Variants in IFI27 observed in about 807,000 individuals in gnomAD.
IFI27 encodes the protein interferon alpha-inducible protein 27, mitochondrial.
Under a neutral mutation model 8.9 loss-of-function variants are expected in IFI27, and 3 were observed. That is an observed-to-expected ratio of 0.34 (90% CI 0.15 to 0.87). The LOEUF (loss-of-function observed/expected upper bound fraction) is 0.87, where lower values mean the gene tolerates loss of function less well. IFI27 is among the 40% of genes least tolerant of loss of function. The probability of loss-of-function intolerance (pLI) is 0.51; values close to 1 mark genes in which losing one functional copy is unlikely to be tolerated. For missense variants in IFI27, 152 were observed against 157.7 expected (o/e 0.96, Z 0.19); for synonymous variants, 66 against 67.3 (o/e 0.98, Z 0.09).
At chr14:94,113,007 G>A (rs1887250866) in intron 2 of IFI27, 1 of 152,348 alleles carries the variant, frequency 6.6e-6, no homozygotes, top group East Asian at 1.9e-4. Context: ...GCGCTTTTAT[G>A]TTCTAGTCAC....
chr14:94,109,031 C>T (rs1887059141), upstream of IFI27, among the ~76,000 whole-genome samples: 1 of 152,174 alleles, frequency 6.6e-6, no homozygotes, highest in African/African-American at 2.4e-5. Flanking sequence ...CGAAAGCTCA[C>T]ACCTGTAATC....
rs537339688 is a variant in IFI27, at chr14:94,111,620, G to A, written c.-58-5G>A. The A allele has an allele frequency of 2.4e-5, 33 of 1,366,566 alleles. No individual in the cohort carries two copies. Among genetic ancestry groups the A allele is most frequent in the Admixed American group, 3.4e-5 (2 of 59,240 alleles). The allele number at this position is 1,366,566 out of a possible 1,614,324, so 84.7% of individuals were successfully genotyped here. ...CCCGTCCTCAGAGCTCCATCCCTTC[G>A]GCAGGTCTGGCTGAAGTTGAGGATC... On this transcript the variant is annotated splice_polypyrimidine_tract_variant and splice_region_variant and intron_variant, in intron 1 of 4. Coordinates refer to ENST00000621160, the Ensembl canonical transcript of IFI27. This position sits in a 1 kb window ranked among gnomAD's most constrained non-coding sequence, Gnocchi z 4.3.
At chr14:94,108,973 T>C (rs1887056466), upstream of IFI27, among the ~76,000 whole-genome samples, 1 of 152,028 alleles carries the variant, frequency 6.6e-6, no homozygotes, top group Non-Finnish European at 1.5e-5. Context: ...TTTATGAAAG[T>C]TATGCAAGTT....
rs767420955 is a variant in IFI27, at chr14:94,116,515, G to A, written c.357G>A (p.Ala119=). The A allele has an allele frequency of 9.9e-6, 16 of 1,612,806 alleles. No homozygotes were observed. Among genetic ancestry groups the A allele is most frequent in the Middle Eastern group, 1.7e-4 (1 of 6,060 alleles). ...GGTCTGCCATTGCGGCTGTCATTGC[G>A]AGGTTCTACTAGCTCCCTGCCCCTC... The change falls in exon 5 of 5, where the codon GCG becomes GCA. Residue 119 remains alanine (A), a synonymous_variant. Coordinates refer to ENST00000621160, the Ensembl canonical transcript of IFI27. This position sits in a 1 kb window ranked among gnomAD's most constrained non-coding sequence, Gnocchi z 4.3.
chr14:94,111,986 T>C lies in IFI27; in HGVS notation c.91+213T>C, dbSNP rs1887210546. 1.6e-6 allele frequency: 1 copy of C among 610,544 alleles called. No homozygotes were observed. Among genetic ancestry groups the C allele is most frequent in the Non-Finnish European group, 2.9e-6 (1 of 341,532 alleles). The allele number at this position is 610,544 out of a possible 1,614,324, so 37.8% of individuals were successfully genotyped here. ...TGGCCAGATGCCCAGCCCTGGGTGT[T>C]CCACAGGTCCTCTCCCCTCTGGGCC... On this transcript the variant is annotated intron_variant, in intron 2 of 4. Transcript: ENST00000621160. The surrounding 1 kb of genome is among the most constrained non-coding windows in gnomAD (Gnocchi z 4.3).
upstream of IFI27, among the ~76,000 whole-genome samples, chr14:94,108,337 C>T (rs1441831058): frequency 2.6e-5 from 4 of 152,120 alleles, no homozygotes; most frequent in African/African-American, 4.8e-5. Flanking sequence ...TTCTAACAGG[C>T]GTGAGATGGT....
chr14:94,106,795 G>A (rs932188546), upstream of IFI27, among the ~76,000 whole-genome samples: 4 of 152,078 alleles, frequency 2.6e-5, no homozygotes, highest in Non-Finnish European at 5.9e-5. Flanking sequence ...GACATCACAC[G>A]GTGCAAGAGC....
At position 94,111,423 on chromosome 14, in the gene IFI27, C is replaced by G. The variant is rs1374910919; in HGVS notation, c.-58-202C>G. On this transcript the variant is annotated intron_variant, in intron 1 of 4. Transcript: ENST00000621160. This position sits in a 1 kb window ranked among gnomAD's most constrained non-coding sequence, Gnocchi z 4.3. ...CTGGGGAAATAAAGTCCCTCAGGGC[C>G]CTGACCTAACACAGGTCCTTTGGTA... 1.3e-5 allele frequency among the ~76,000 whole-genome samples: 2 copies of G among 152,106 alleles called. No homozygotes were observed. Among genetic ancestry groups the G allele is most frequent in the Non-Finnish European group, 2.9e-5 (2 of 68,022 alleles).
Position 94,116,046 on chromosome 14 carries a change from C to A in IFI27, c.283+104C>A. 8.9e-7 allele frequency: 1 copy of A among 1,120,176 alleles called. No homozygotes were observed. Among genetic ancestry groups the A allele is most frequent in the South Asian group, 1.3e-5 (1 of 75,626 alleles). The allele number at this position is 1,120,176 out of a possible 1,614,324, so 69.4% of individuals were successfully genotyped here. ...CCTATGAACCTCAATCTCCCTGTTC[C>A]TCTGTCTCTCTCTACACATTCTCTC... On this transcript the variant is annotated intron_variant, in intron 4 of 4. Transcript: ENST00000621160. This position sits in a 1 kb window ranked among gnomAD's most constrained non-coding sequence, Gnocchi z 4.3.
rs1292961310 is a variant in IFI27, at chr14:94,116,324, G to A, written c.284-118G>A. 2 of 717,246 alleles carry A rather than the reference G, an allele frequency of 2.8e-6. No homozygotes were observed. The highest frequency in any genetic ancestry group is 5.0e-6 in the Non-Finnish European group (2 of 403,882). 44.4% of individuals were successfully genotyped at this position (717,246 alleles called of 1,614,324 possible). A position where few individuals can be genotyped will look rare whatever the true frequency, so the allele number is the denominator to read the frequency against. ...TGGGAAACAGAGAGGGGAACTGGGT[G>A]GGGTCTGTAAGCCTCAGCCCCTGCT... On this transcript the variant is annotated intron_variant, in intron 4 of 4. Coordinates refer to ENST00000621160, the Ensembl canonical transcript of IFI27. The surrounding 1 kb of genome is among the most constrained non-coding windows in gnomAD (Gnocchi z 4.3).
chr14:94,116,202 T>C lies in IFI27; in HGVS notation c.284-240T>C. 1.5e-6 allele frequency: 1 copy of C among 683,686 alleles called. No individual in the cohort carries two copies. Among genetic ancestry groups the C allele is most frequent in the Non-Finnish European group, 2.6e-6 (1 of 377,450 alleles). 42.4% of individuals were successfully genotyped at this position (683,686 alleles called of 1,614,324 possible). ...GTCTCCTCCCCTCTGGGGTGCAGCC[T>C]CCTTCCCTGAAGAGCGAGGCTGCTT... On this transcript the variant is annotated intron_variant, in intron 4 of 4. Transcript: ENST00000621160. The surrounding 1 kb of genome is among the most constrained non-coding windows in gnomAD (Gnocchi z 4.3).
Position 94,111,348 on chromosome 14 carries a change from G to A in IFI27, c.-58-277G>A, listed in dbSNP as rs1324390765. Among the ~76,000 whole-genome samples, 1 of 152,200 alleles carries A rather than the reference G, an allele frequency of 6.6e-6. No homozygotes were observed. Among genetic ancestry groups the A allele is most frequent in the South Asian group, 2.1e-4 (1 of 4,834 alleles). ...GTGGAGAGATAAGGGAGTCCCGGAAGTGTCTAAGACATTGGCGCTGGGACT... is the reference window on the plus strand; with the variant it reads ...GTGGAGAGATAAGGGAGTCCCGGAAATGTCTAAGACATTGGCGCTGGGACT... On this transcript the variant is annotated intron_variant, in intron 1 of 4. Coordinates refer to ENST00000621160, the Ensembl canonical transcript of IFI27. This position sits in a 1 kb window ranked among gnomAD's most constrained non-coding sequence, Gnocchi z 4.3.
chr14:94,114,444 G>A (rs1236343820), intron 2 of IFI27: 2 of 192,760 alleles, frequency 1.0e-5, no homozygotes, highest in Non-Finnish European at 2.1e-5. Context: ...TCATTGCCAA[G>A]TATCCTGTAT....
upstream of IFI27, among the ~76,000 whole-genome samples, chr14:94,109,352 GC>G (rs1348263223): frequency 7.3e-5 from 11 of 151,156 alleles, no homozygotes; most frequent in East Asian, 1.9e-3. Context: ...GCAGGGAAGG[GC>G]AGGGAAGGGC....
At chr14:94,107,491 T>C (rs1042274955), upstream of IFI27, among the ~76,000 whole-genome samples, 3 of 152,210 alleles carry the variant, frequency 2.0e-5, no homozygotes, top group African/African-American at 7.2e-5. Flanking sequence ...TCCCCTATGT[T>C]TTCTTCTAGG....
At chr14:94,112,044 A>G (rs1243009821) in intron 2 of IFI27, 2 of 561,058 alleles carry the variant, frequency 3.6e-6, no homozygotes, top group African/African-American at 1.9e-5. Flanking sequence ...GAAAGGGTCT[A>G]TCTACCACTG....
chr14:94,111,753 C>G lies in IFI27; in HGVS notation c.71C>G (p.Ser24Cys), dbSNP rs1887195860. The G allele has an allele frequency of 6.2e-7, 1 of 1,614,136 alleles. No homozygotes were observed. Among genetic ancestry groups the G allele is most frequent in the African/African-American group, 1.3e-5 (1 of 75,062 alleles). ...AAAGTGGTCAGGGTGGCCTCTGGCT[C>G]TGCCGTAGTTTTGCCCCTGGGTGAG... Residue 24 changes from serine (S) to cysteine (C), a missense_variant, in exon 2 of 5, where the codon TCT (serine) becomes TGT (cysteine). Ser to Cys is a moderately radical substitution (Grantham distance 112). Coordinates refer to ENST00000621160, the Ensembl canonical transcript of IFI27. The surrounding 1 kb of genome is among the most constrained non-coding windows in gnomAD (Gnocchi z 4.3).
chr14:94,112,106 T>C, intron 2 of IFI27: 1 of 425,326 alleles, frequency 2.4e-6, no homozygotes. Flanking sequence ...TCAGAATTCA[T>C]CTCCTTTAGG....
At chr14:94,115,610 C>G (rs1887359462) in intron 3 of IFI27, 171 bp from the exon 4 acceptor site, 2 of 671,832 alleles carry the variant, frequency 3.0e-6, no homozygotes, top group Non-Finnish European at 5.0e-6. Context: ...TCTACTTTCC[C>G]CGCCTGGCTG....
Sources: gnomAD v4.1 joint callset for allele counts (sites outside exome capture counted in the v4.1 genomes callset) on GRCh38, gnomAD v4.1.1 for gene constraint, Gnocchi (gnomAD v3.1) non-coding constraint, MANE v1.5 for transcripts, NCBI Gene and HGNC (gene_info 2026-07-23, HGNC 2026-07-21) for gene names.